CDH13: variants seen among roughly 807,000 people sequenced by gnomAD.
CDH13 encodes the protein cadherin-13.
CDH13 carries 24 observed loss-of-function variants against 63.8 expected under a neutral mutation model. That is an observed-to-expected ratio of 0.38 (90% CI 0.27 to 0.53). CDH13 has a LOEUF of 0.53. Ranked by LOEUF, CDH13 falls within the 20% of genes least tolerant of loss-of-function variation. The probability of loss-of-function intolerance (pLI) is 0.85; values close to 1 mark genes in which losing one functional copy is unlikely to be tolerated. For missense variants in CDH13, 1,049 were observed against 903.1 expected (o/e 1.16, Z -2.07); for synonymous variants, 503 against 355.3 (o/e 1.42, Z -4.67).
chr16:82,843,741 TTGAGAG>T (rs2039131208), intron 1 of CDH13, among the ~76,000 whole-genome samples: 4 of 152,318 alleles, frequency 2.6e-5, no homozygotes, highest in African/African-American at 9.6e-5. Context: ...GAAGAAAGTG[TTGAGAG>T]CTGCACAGTT....
At chr16:83,150,673 C>G (rs1194840508) in intron 4 of CDH13, among the ~76,000 whole-genome samples, 1 of 152,148 alleles carries the variant, frequency 6.6e-6, no homozygotes, top group Non-Finnish European at 1.5e-5. Flanking sequence ...TTTTTGTTGT[C>G]TTACCTATTT....
At chr16:83,198,222 TACA>T (rs2038930237) in intron 4 of CDH13, among the ~76,000 whole-genome samples, 2 of 151,954 alleles carry the variant, frequency 1.3e-5, no homozygotes, top group African/African-American at 4.8e-5. Flanking sequence ...CATTGCCAAG[TACA>T]ACAATTTACA....
At chr16:83,417,373 A>G (rs2071581276) in intron 6 of CDH13, among the ~76,000 whole-genome samples, 2 of 152,088 alleles carry the variant, frequency 1.3e-5, no homozygotes. Context: ...CAAATGCTGC[A>G]CCCAGAATCT....
intron 4 of CDH13, among the ~76,000 whole-genome samples, chr16:83,211,047 C>T (rs2039325105): frequency 6.7e-6 from 1 of 150,068 alleles, no homozygotes; most frequent in Admixed American, 6.6e-5. Context: ...ACTTGGGAGG[C>T]TGAGTCAGGA....
At chr16:83,309,120 T>C (rs74034106) in intron 5 of CDH13, among the ~76,000 whole-genome samples, 4,209 of 152,232 alleles carry the variant, frequency 0.028, 177 homozygotes, top group African/African-American at 0.093. Context: ...CTTTTGACTT[T>C]CCTGTTTCTT....
At chr16:83,273,810 G>A (rs144270596) in intron 5 of CDH13, among the ~76,000 whole-genome samples, 11 of 152,286 alleles carry the variant, frequency 7.2e-5, no homozygotes, top group African/African-American at 2.4e-4. Flanking sequence ...GGTAAGTTTA[G>A]TTATCTCCAC....
intron 4 of CDH13, among the ~76,000 whole-genome samples, chr16:83,132,444 C>CG (rs2036095327): frequency 3.0e-5 from 2 of 66,152 alleles, no homozygotes; most frequent in Non-Finnish European, 2.8e-5. Flanking sequence ...CACCCCCCAA[C>CG]ACCCCCCCCT....
intron 2 of CDH13, among the ~76,000 whole-genome samples, chr16:82,895,635 T>G (rs1174602563): frequency 6.6e-6 from 1 of 151,904 alleles, no homozygotes; most frequent in African/African-American, 2.4e-5. Context: ...TTGAATTATG[T>G]GAGGTAGTAG....
At chr16:83,052,801 A>AAAAAG (rs1555571697) in intron 3 of CDH13, among the ~76,000 whole-genome samples, 52 of 122,664 alleles carry the variant, frequency 4.2e-4, no homozygotes, top group South Asian at 1.0e-3. Flanking sequence ...AAAAAAAAAA[A>AAAAAG]AAAGAAAGAA....
intron 1 of CDH13, among the ~76,000 whole-genome samples, chr16:82,677,159 G>A (rs1397669693): frequency 6.6e-6 from 1 of 152,228 alleles, no homozygotes; most frequent in East Asian, 1.9e-4. Context: ...TGGAATTATA[G>A]GAGTGAGCCA....
intron 2 of CDH13, among the ~76,000 whole-genome samples, chr16:83,004,960 A>G (rs1913329874): frequency 6.6e-6 from 1 of 152,220 alleles, no homozygotes. Flanking sequence ...GCTGTAGGAA[A>G]CAGACTGGGA....
intron 4 of CDH13, among the ~76,000 whole-genome samples, chr16:83,166,362 C>G (rs777297948): frequency 4.6e-5 from 7 of 152,112 alleles, no homozygotes; most frequent in Non-Finnish European, 8.8e-5. Flanking sequence ...TTGAGGACCT[C>G]TCGGCCCAGA....
At chr16:82,906,227 G>A (rs2041643142) in intron 2 of CDH13, among the ~76,000 whole-genome samples, 1 of 152,082 alleles carries the variant, frequency 6.6e-6, no homozygotes, top group South Asian at 2.1e-4. Context: ...AGATGTTCAG[G>A]AGCCCTTTAC....
At chr16:82,818,114 T>TTGTGTGTG (rs5818411) in intron 1 of CDH13, among the ~76,000 whole-genome samples, 22 of 149,358 alleles carry the variant, frequency 1.5e-4, no homozygotes, top group East Asian at 7.9e-4. Context: ...ACATGTATGG[T>TTGTGTGTG]TGTGTGTGTG....
intron 7 of CDH13, among the ~76,000 whole-genome samples, chr16:83,526,961 G>A (rs778090298): frequency 7.9e-5 from 12 of 151,754 alleles, no homozygotes; most frequent in Non-Finnish European, 1.5e-4. Flanking sequence ...GTGAAACCCC[G>A]TCTATACTAA....
intron 6 of CDH13, among the ~76,000 whole-genome samples, chr16:83,405,814 G>T (rs1012292862): frequency 6.6e-6 from 1 of 152,188 alleles, no homozygotes; most frequent in Admixed American, 6.5e-5. Context: ...GGAGGCAGAG[G>T]CTGTGGTTGG....
chr16:83,429,317 CAT>C (rs898012588), intron 6 of CDH13, among the ~76,000 whole-genome samples: 2 of 152,184 alleles, frequency 1.3e-5, no homozygotes, highest in African/African-American at 4.8e-5. Context: ...CTGATTTCCT[CAT>C]GAGGTACAGG....
At chr16:83,103,628 G>A (rs1474777718) in intron 3 of CDH13, among the ~76,000 whole-genome samples, 3 of 152,178 alleles carry the variant, frequency 2.0e-5, no homozygotes, top group East Asian at 3.8e-4. Context: ...GAGCGGAATG[G>A]CCTGTGTTCA....
At chr16:83,258,171 A>G (rs942268482) in intron 5 of CDH13, among the ~76,000 whole-genome samples, 9 of 152,248 alleles carry the variant, frequency 5.9e-5, no homozygotes, top group Non-Finnish European at 1.5e-5. Context: ...ATTCATTAAG[A>G]TGAGTGAAGA....
Sources: gnomAD v4.1 joint callset for allele counts (sites outside exome capture counted in the v4.1 genomes callset) on GRCh38, gnomAD v4.1.1 for gene constraint, MANE v1.5 for transcripts, NCBI Gene and HGNC (gene_info 2026-07-23, HGNC 2026-07-21) for gene names.